SLC2A13: variants seen among roughly 807,000 people sequenced by gnomAD.
SLC2A13 encodes the protein solute carrier family 2 member 13, also known as proton myo-inositol cotransporter.
A neutral mutation model predicts 64.4 loss-of-function variants in SLC2A13; 32 were observed. That is an observed-to-expected ratio of 0.50 (90% confidence interval 0.37 to 0.67). The LOEUF is 0.67. Ranked by LOEUF, SLC2A13 falls within the 30% of genes least tolerant of loss-of-function variation. The probability of loss-of-function intolerance (pLI) is 0.00; values close to 1 mark genes in which losing one functional copy is unlikely to be tolerated. For missense variants in SLC2A13, 743 were observed against 829.2 expected, an observed-to-expected ratio of 0.90 and a Z score of 1.28; for synonymous variants, 338 against 327.1, an observed-to-expected ratio of 1.03 and a Z score of -0.36.
In SLC2A13 at chr12:39,759,213, C is replaced by T. The variant is rs1940049237; in HGVS notation, c.*813G>A. On this transcript the variant is annotated 3_prime_UTR_variant, in exon 10 of 10. Transcript: ENST00000280871. Reference sequence around the variant, plus strand: ...CTATTTTGCATTTATAATTGCATACCTAAGTGACTAACCAATTTGGAACCC... The same window carrying T: ...CTATTTTGCATTTATAATTGCATACTTAAGTGACTAACCAATTTGGAACCC... The T allele has an allele frequency of 1.3e-5, 2 of 152,352 alleles. No individual in the cohort carries two copies. Among genetic ancestry groups the T allele is most frequent in the Admixed American group, 6.6e-5 (1 of 15,196 alleles). The allele number at this position is 152,352 out of a possible 1,614,324, so 9.4% of individuals were successfully genotyped here.
chr12:40,033,756 G>A (rs1947938089), intron 2 of SLC2A13, among the ~76,000 whole-genome samples: 1 of 152,076 alleles, frequency 6.6e-6, no homozygotes. Flanking sequence ...TAACAAGAAG[G>A]TAGGTATTTT....
At chr12:39,832,303 A>G (rs1432220043) in intron 6 of SLC2A13, among the ~76,000 whole-genome samples, 1 of 152,154 alleles carries the variant, frequency 6.6e-6, no homozygotes, top group Non-Finnish European at 1.5e-5. Context: ...GTTAAATTTA[A>G]CAATACTAAT....
intron 3 of SLC2A13, among the ~76,000 whole-genome samples, chr12:39,972,758 G>T (rs1316723349): frequency 6.6e-6 from 1 of 152,048 alleles, no homozygotes; most frequent in Non-Finnish European, 1.5e-5. Flanking sequence ...CTGATTTATA[G>T]AAAAGCTAAT....
intron 4 of SLC2A13, among the ~76,000 whole-genome samples, chr12:39,887,806 A>G (rs924812061): frequency 5.3e-5 from 8 of 152,208 alleles, no homozygotes; most frequent in African/African-American, 1.9e-4. Context: ...TCACTGATGT[A>G]GTATATGTTT....
Position 39,785,191 on chromosome 12 carries a change from G to A in SLC2A13, c.1446-20333C>T, listed in dbSNP as rs369122818. Among the ~76,000 whole-genome samples, 70 of 152,132 alleles carry A rather than the reference G, an allele frequency of 4.6e-4. No individual in the cohort carries two copies. In the East Asian group the frequency reaches 5.2e-3, roughly 11 times the overall value. On this transcript the variant is annotated intron_variant, in intron 7 of 9. Transcript: ENST00000280871. ...CAGCAGCCCCTCCCATCACAGGACC[G>A]GAGGCCCAGGAGGAATAAGTGGTTT...
intron 1 of SLC2A13, among the ~76,000 whole-genome samples, chr12:40,082,813 G>GGGAGTGGC (rs1376537729): frequency 6.6e-6 from 1 of 152,176 alleles, no homozygotes; most frequent in Non-Finnish European, 1.5e-5. Context: ...GGTCTGTAAC[G>GGGAGTGGC]AGAGTGGGCC....
intron 4 of SLC2A13, among the ~76,000 whole-genome samples, chr12:39,889,656 C>T (rs1415031985): frequency 6.6e-6 from 1 of 151,546 alleles, no homozygotes; most frequent in East Asian, 1.9e-4. Flanking sequence ...CCTCAGTCTC[C>T]TGAGTAGCTG....
At chr12:39,989,703 CT>C (rs1349358507) in intron 3 of SLC2A13, among the ~76,000 whole-genome samples, 1 of 152,160 alleles carries the variant, frequency 6.6e-6, no homozygotes, top group Non-Finnish European at 1.5e-5. Flanking sequence ...ATATGCACAA[CT>C]TTTTTTCCAC....
intron 7 of SLC2A13, among the ~76,000 whole-genome samples, chr12:39,810,953 G>T (rs1384220648): frequency 1.3e-5 from 2 of 152,050 alleles, no homozygotes; most frequent in Admixed American, 1.3e-4. Flanking sequence ...AATGAGTTGG[G>T]AAATTTCCCC....
intron 7 of SLC2A13, among the ~76,000 whole-genome samples, chr12:39,816,274 C>T (rs1392649777): frequency 6.6e-6 from 1 of 151,956 alleles, no homozygotes; most frequent in African/African-American, 2.4e-5. Flanking sequence ...TTCCTTTTCT[C>T]ACTGATGGGG....
chr12:39,952,935 TC>T (rs772301786), intron 3 of SLC2A13, among the ~76,000 whole-genome samples: 23 of 152,112 alleles, frequency 1.5e-4, no homozygotes, highest in Non-Finnish European at 2.6e-4. Context: ...GCACTACCTT[TC>T]CTTTAATCAA....
chr12:39,955,709 C>T (rs1289548605), intron 3 of SLC2A13, among the ~76,000 whole-genome samples: 1 of 151,922 alleles, frequency 6.6e-6, no homozygotes, highest in Non-Finnish European at 1.5e-5. Context: ...CCAGGTTTTC[C>T]CTAAATGCAA....
At chr12:39,801,339 T>TAAAAAA (rs34671641) in intron 7 of SLC2A13, among the ~76,000 whole-genome samples, 1 of 126,864 alleles carries the variant, frequency 7.9e-6, no homozygotes, top group African/African-American at 2.9e-5. Flanking sequence ...ATGAGGAAAT[T>TAAAAAA]AAAAAAAAAA....
At chr12:40,037,762 T>C (rs964119775) in intron 2 of SLC2A13, among the ~76,000 whole-genome samples, 3 of 152,154 alleles carry the variant, frequency 2.0e-5, no homozygotes, top group Non-Finnish European at 2.9e-5. Context: ...TTTTGGTAAG[T>C]TGTGATTGTC....
At chr12:39,918,383 C>T (rs547648113) in intron 4 of SLC2A13, among the ~76,000 whole-genome samples, 14 of 139,108 alleles carry the variant, frequency 1.0e-4, no homozygotes, top group South Asian at 2.2e-4. Flanking sequence ...TTTTTCGGTA[C>T]GAAACAAGAG....
chr12:39,830,238 G>GAA lies in SLC2A13; in HGVS notation c.1320-12_1320-11dup. On this transcript the variant is annotated splice_polypyrimidine_tract_variant and intron_variant, in intron 6 of 9. Transcript: ENST00000280871. ...ACATTCATTACAGTAACTGAAAAATGAAAAGAGTTACCGTCATGTTGGCAG... is the reference window on the plus strand; with the variant it reads ...ACATTCATTACAGTAACTGAAAAATGAAAAAAGAGTTACCGTCATGTTGGCAG... 6.2e-7 allele frequency: 1 copy of GAA among 1,611,004 alleles called. No homozygotes were observed. Among genetic ancestry groups the GAA allele is most frequent in the Non-Finnish European group, 8.5e-7 (1 of 1,178,148 alleles).
At chr12:39,945,536 T>A (rs1187539827) in intron 4 of SLC2A13, among the ~76,000 whole-genome samples, 1 of 152,054 alleles carries the variant, frequency 6.6e-6, no homozygotes, top group Non-Finnish European at 1.5e-5. Flanking sequence ...CTTATAGGCT[T>A]TGTTCATATT....
At chr12:40,067,669 T>G (rs1937786649) in intron 1 of SLC2A13, among the ~76,000 whole-genome samples, 2 of 152,152 alleles carry the variant, frequency 1.3e-5, no homozygotes, top group Admixed American at 1.3e-4. Context: ...TAATACTAAT[T>G]AGTATTACTT....
At chr12:39,948,751 T>C (rs774576943) in intron 4 of SLC2A13, among the ~76,000 whole-genome samples, 3 of 151,998 alleles carry the variant, frequency 2.0e-5, no homozygotes, top group Non-Finnish European at 2.9e-5. Context: ...TATTTCCCAC[T>C]TAAAAGGGAA....
Sources: gnomAD v4.1 joint callset for allele counts (sites outside exome capture counted in the v4.1 genomes callset) on GRCh38, gnomAD v4.1.1 for gene constraint, MANE v1.5 for transcripts, NCBI Gene and HGNC (gene_info 2026-07-23, HGNC 2026-07-21) for gene names.